CAMKK2: variants seen among roughly 807,000 people sequenced by gnomAD.
The protein encoded by CAMKK2 is calcium/calmodulin dependent protein kinase kinase 2, also known as calcium/calmodulin-dependent protein kinase kinase 2.
A neutral mutation model predicts 67.2 loss-of-function variants in CAMKK2; 30 were observed. That is an observed-to-expected ratio of 0.45 (90% CI 0.33 to 0.61). The LOEUF is 0.61. CAMKK2 is among the 20% of genes least tolerant of loss of function. The probability of loss-of-function intolerance (pLI) is 0.02; values close to 1 mark genes in which losing one functional copy is unlikely to be tolerated. For missense variants in CAMKK2, 643 were observed against 802.0 expected (o/e 0.80, Z 2.39); for synonymous variants, 322 against 326.2 (o/e 0.99, Z 0.14).
At chr12:121,250,482 C>T (rs558590544) in intron 11 of CAMKK2, among the ~76,000 whole-genome samples, 84 of 152,306 alleles carry the variant, frequency 5.5e-4, no homozygotes, top group African/African-American at 2.0e-3. Context: ...CACTGTTCCC[C>T]GTCCCTGGAA....
Position 121,245,234 on chromosome 12 carries a change from C to A in CAMKK2, c.1459G>T (p.Val487Leu), listed in dbSNP as rs764988160. 8 of 1,600,742 alleles carry A rather than the reference C, an allele frequency of 5.0e-6. No homozygotes were observed. The highest frequency in any genetic ancestry group is 6.0e-6 in the Non-Finnish European group (7 of 1,172,094). ...HIPSLATVIL[V>L]KTMIRKRSFG... ...GAGCGTTTACGTATCATGGTCTTCA[C>A]CAGGATCTGAAGAGGGAGAAAAGAG... The change falls in exon 15 of 17, where the codon GTG (valine) becomes TTG (leucine). Residue 487 changes from valine to leucine, a missense_variant. Physicochemically the swap from Val to Leu is conservative, Grantham distance 32 (BLOSUM62 1). Coordinates refer to ENST00000404169, the MANE Select transcript of CAMKK2 (RefSeq NM_001270485.2). The surrounding 1 kb of genome is among the most constrained non-coding windows in gnomAD (Gnocchi z 5.8).
In CAMKK2 at chr12:121,263,928, G is replaced by T; in HGVS notation, c.637C>A (p.Pro213Thr). Residue 213 changes from proline (P) to threonine (T), a missense_variant, in exon 6 of 17, where the codon CCC becomes ACC. Physicochemically the swap from Pro to Thr is conservative, Grantham distance 38 (BLOSUM62 -1). Coordinates refer to ENST00000404169, the MANE Select transcript of CAMKK2 (RefSeq NM_001270485.2). ...RQAGFPRRPP[P>T]RGTRPAPGGC... is the part of the protein sequence containing the mutation. Reference sequence around the variant, plus strand: ...CCAGGAGCTGGCCGGGTGCCTCGGGGTGGAGGGCGACCTGAAGGAAACAAA... The same window carrying T: ...CCAGGAGCTGGCCGGGTGCCTCGGGTTGGAGGGCGACCTGAAGGAAACAAA... The T allele has an allele frequency of 6.2e-7, 1 of 1,603,372 alleles. No individual in the cohort carries two copies. The highest frequency in any genetic ancestry group is 8.5e-7 in the Non-Finnish European group (1 of 1,172,468).
Position 121,285,889 on chromosome 12 carries a change from A to G in CAMKK2, c.-60+10749T>C, listed in dbSNP as rs1402001291. ...GATTTTGTGGAAGTGTTGAAAAGAA[A>G]GAATGTCCTTTCTGTTGAACCTAGA... On this transcript the variant is annotated intron_variant, in intron 1 of 16. Coordinates refer to ENST00000404169, the MANE Select transcript of CAMKK2 (RefSeq NM_001270485.2). The surrounding 1 kb of genome is among the most constrained non-coding windows in gnomAD (Gnocchi z 4.1). Among the ~76,000 whole-genome samples the G allele has an allele frequency of 1.3e-5, 2 of 152,198 alleles. No individual in the cohort carries two copies. The highest frequency in any genetic ancestry group is 4.8e-5 in the African/African-American group (2 of 41,458).
In CAMKK2 at chr12:121,252,651, G is replaced by C; in HGVS notation, c.1161+10C>G. On this transcript the variant is annotated intron_variant, in intron 11 of 16. Coordinates refer to ENST00000404169, the MANE Select transcript of CAMKK2 (RefSeq NM_001270485.2). ...GCAGTACTGAGGGGACAGACACCCC[G>C]CCCTCTTACCTGGCCAAAGACAAAG... 2.5e-6 allele frequency: 4 copies of C among 1,613,658 alleles called. No homozygotes were observed. Among genetic ancestry groups the C allele is most frequent in the Middle Eastern group, 3.3e-4 (2 of 6,058 alleles).
At position 121,268,610 on chromosome 12, in the gene CAMKK2, C is replaced by T. The variant is rs201177417; in HGVS notation, c.625+28G>A. 6.8e-6 allele frequency: 11 copies of T among 1,611,578 alleles called. No individual in the cohort carries two copies. In the African/African-American group the frequency reaches 1.5e-4, roughly 22 times the overall value. Reference sequence around the variant, plus strand: ...GCCCTGTCTTGTCCCAGCCCCTGTACCTAACAACAAAGGCCCGCCAAACTC... The same window carrying T: ...GCCCTGTCTTGTCCCAGCCCCTGTATCTAACAACAAAGGCCCGCCAAACTC... On this transcript the variant is annotated intron_variant, in intron 5 of 16. Coordinates refer to ENST00000404169, the MANE Select transcript of CAMKK2 (RefSeq NM_001270485.2).
Position 121,274,133 on chromosome 12 carries a change from T to G in CAMKK2, c.394A>C (p.Ser132Arg), listed in dbSNP as rs1386765465. 3 of 1,581,118 alleles carry G rather than the reference T, an allele frequency of 1.9e-6. No individual in the cohort carries two copies. The highest frequency in any genetic ancestry group is 2.6e-6 in the Non-Finnish European group (3 of 1,162,026). Reference sequence around the variant, plus strand: ...AGCCGAGGCGAGGACTGCGGGGAGCTGACGGGTGAGTAGGGCAGGGACGGG... The same window carrying G: ...AGCCGAGGCGAGGACTGCGGGGAGCGGACGGGTGAGTAGGGCAGGGACGGG... ...ICPSLPYSPV[S>R]SPQSSPRLPR... Residue 132 changes from serine (S) to arginine (R), a missense_variant, in exon 2 of 17, where the codon AGC (serine) becomes CGC (arginine). By Grantham distance (110) the Ser-to-Arg change is moderately radical. This residue lies in a region of CAMKK2 where 483 missense variants were observed against 625.8 expected (regional missense o/e 0.77). Coordinates refer to ENST00000404169, the MANE Select transcript of CAMKK2 (RefSeq NM_001270485.2).
chr12:121,273,543 G>A (rs1033204481), intron 2 of CAMKK2, among the ~76,000 whole-genome samples: 3 of 152,018 alleles, frequency 2.0e-5, no homozygotes, highest in Non-Finnish European at 2.9e-5. Flanking sequence ...ACACACGCTC[G>A]GCCAGGCGGG....
At position 121,255,647 on chromosome 12, in the gene CAMKK2, T is replaced by A. The variant is rs1272038673; in HGVS notation, c.819-9A>T. On this transcript the variant is annotated splice_polypyrimidine_tract_variant and intron_variant, in intron 8 of 16. Coordinates refer to ENST00000404169, the MANE Select transcript of CAMKK2 (RefSeq NM_001270485.2). Reference sequence around the variant, plus strand: ...GCACTTCCATCACGGGCCTGAAAGGTCGACACTCATGTGAAACACAAAGCA... The same window carrying A: ...GCACTTCCATCACGGGCCTGAAAGGACGACACTCATGTGAAACACAAAGCA... 6.2e-7 allele frequency: 1 copy of A among 1,611,794 alleles called. No homozygotes were observed. The highest frequency in any genetic ancestry group is 1.7e-5 in the Admixed American group (1 of 59,652).
chr12:121,252,598 G>A, intron 11 of CAMKK2, 63 bp downstream of exon 11: 3 of 1,470,290 alleles, frequency 2.0e-6, no homozygotes, highest in Non-Finnish European at 9.5e-7. Flanking sequence ...CTCCCCGCAA[G>A]GGTGACTATT....
At chr12:121,274,805 C>CTTTTTTTTT in intron 1 of CAMKK2, among the ~76,000 whole-genome samples, 1 of 132,918 alleles carries the variant, frequency 7.5e-6, no homozygotes, top group East Asian at 2.2e-4. Flanking sequence ...CTTTTTTTTT[C>CTTTTTTTTT]TTTTTTTTTT....
intron 1 of CAMKK2, among the ~76,000 whole-genome samples, chr12:121,291,812 CT>C (rs1053553256): frequency 2.0e-5 from 3 of 152,146 alleles, no homozygotes; most frequent in African/African-American, 7.2e-5. Context: ...AATCCCAGCA[CT>C]TTGGGAGGCC....
chr12:121,289,003 G>A (rs1899384779), intron 1 of CAMKK2, among the ~76,000 whole-genome samples: 1 of 151,938 alleles, frequency 6.6e-6, no homozygotes, highest in African/African-American at 2.4e-5. Context: ...CACTCACCTG[G>A]GACAGGAACC....
At chr12:121,295,953 G>A (rs1901073800) in intron 1 of CAMKK2, among the ~76,000 whole-genome samples, 1 of 152,230 alleles carries the variant, frequency 6.6e-6, no homozygotes, top group South Asian at 2.1e-4. Context: ...GAGGGGCTGG[G>A]TCCAGTGTCC....
In CAMKK2 at chr12:121,240,176, A is replaced by G; in HGVS notation, c.*523T>C. 2.2e-6 allele frequency: 1 copy of G among 463,028 alleles called. No homozygotes were observed. The highest frequency in any genetic ancestry group is 3.8e-6 in the Non-Finnish European group (1 of 262,894). 28.7% of individuals were successfully genotyped at this position (463,028 alleles called of 1,614,324 possible). A position where few individuals can be genotyped will look rare whatever the true frequency, so the allele number is the denominator to read the frequency against. On this transcript the variant is annotated 3_prime_UTR_variant, in exon 17 of 17. Coordinates refer to ENST00000404169, the MANE Select transcript of CAMKK2 (RefSeq NM_001270485.2). This position sits in a 1 kb window ranked among gnomAD's most constrained non-coding sequence, Gnocchi z 4.4. Reference sequence around the variant, plus strand: ...GCATCAAAGCTCCCTGCAGCTACTGAGGGCCAGCCCTGCTCTGACTCCTTG... The same window carrying G: ...GCATCAAAGCTCCCTGCAGCTACTGGGGGCCAGCCCTGCTCTGACTCCTTG...
At chr12:121,242,932 C>T (rs567766072) in intron 16 of CAMKK2, among the ~76,000 whole-genome samples, 3 of 151,564 alleles carry the variant, frequency 2.0e-5, no homozygotes, top group African/African-American at 4.8e-5. Context: ...TTAGTAGAGA[C>T]GGGGTTTCAC....
Position 121,240,217 on chromosome 12 carries a change from A to G in CAMKK2, c.*482T>C, listed in dbSNP as rs1888089628. 2 of 585,748 alleles carry G rather than the reference A, an allele frequency of 3.4e-6. No individual in the cohort carries two copies. The highest frequency in any genetic ancestry group is 6.0e-6 in the Non-Finnish European group (2 of 332,854). 36.3% of individuals were successfully genotyped at this position (585,748 alleles called of 1,614,324 possible). ...TGACTCCTTGAGACCACGGCTCTGG[A>G]AGGTGCCATGGTTTCCGGTTTGCAC... On this transcript the variant is annotated 3_prime_UTR_variant, in exon 17 of 17. Coordinates refer to ENST00000404169, the MANE Select transcript of CAMKK2 (RefSeq NM_001270485.2). The surrounding 1 kb of genome is among the most constrained non-coding windows in gnomAD (Gnocchi z 4.4).
intron 9 of CAMKK2, among the ~76,000 whole-genome samples, chr12:121,255,300 AATT>A (rs1203794837): frequency 3.2e-5 from 1 of 31,580 alleles, no homozygotes; most frequent in Admixed American, 4.4e-4. Context: ...TTATATATAT[AATT>A]TTATATATAA....
At position 121,245,161 on chromosome 12, in the gene CAMKK2, G is replaced by A. The variant is rs1889181832; in HGVS notation, c.1532C>T (p.Ser511Leu). The A allele has an allele frequency of 6.2e-7, 1 of 1,604,788 alleles. No homozygotes were observed. ...TCACGTGAGCAAGTTTCCAGGCGCT[G>A]ACAGTGAGCGTTCCTCCCGCCGGCT... ...EGSRREERSL[S>L]APGNLLTKKP... The change falls in exon 15 of 17, where the codon TCA (serine) becomes TTA (leucine). Residue 511 changes from serine to leucine, a missense_variant. This residue lies in a region of CAMKK2 where 140 missense variants were observed against 124.2 expected (regional missense o/e 1.13). Coordinates refer to ENST00000404169, the MANE Select transcript of CAMKK2 (RefSeq NM_001270485.2). This position sits in a 1 kb window ranked among gnomAD's most constrained non-coding sequence, Gnocchi z 5.8.
chr12:121,260,832 T>C (rs1484247140), intron 6 of CAMKK2, among the ~76,000 whole-genome samples: 3 of 151,104 alleles, frequency 2.0e-5, no homozygotes, highest in Non-Finnish European at 4.4e-5. Flanking sequence ...CATGCCTGAG[T>C]AATCCACCTA....
Sources: allele counts gnomAD v4.1 joint callset (sites outside exome capture counted in the v4.1 genomes callset), GRCh38; gene constraint gnomAD v4.1.1; regional missense constraint gnomAD v4.1.1; non-coding constraint Gnocchi (gnomAD v3.1); transcripts MANE v1.5; gene names NCBI Gene and HGNC (gene_info 2026-07-23, HGNC 2026-07-21).